Variants in MAMLD1 observed in about 807,000 individuals in gnomAD.
MAMLD1 encodes mastermind like domain containing 1, also known as mastermind-like domain-containing protein 1.
MAMLD1 carries 14 observed loss-of-function variants against 45.0 expected under a neutral mutation model. The observed-to-expected ratio is 0.31, with a 90% CI of 0.21 to 0.49. The LOEUF (loss-of-function observed/expected upper bound fraction) is 0.49, where lower values mean the gene tolerates loss of function less well. Among genes scored for constraint, MAMLD1 ranks in the 20% least tolerant of loss-of-function variants. The probability of loss-of-function intolerance (pLI) is 0.99; values close to 1 mark genes in which losing one functional copy is unlikely to be tolerated. For missense variants in MAMLD1, 543 were observed against 603.6 expected (o/e 0.90, Z 1.05); for synonymous variants, 254 against 247.8 (o/e 1.02, Z -0.24).
At chrX:150,466,909 A>C (rs1310616142) in intron 3 of MAMLD1, among the ~76,000 whole-genome samples, 1 of 111,820 alleles carries the variant, frequency 8.9e-6, no homozygotes, top group African/African-American at 3.3e-5. Flanking sequence ...GAGCCCATAG[A>C]AGCTGCCAGC....
At chrX:150,467,128 T>TGAC (rs2036249531) in intron 3 of MAMLD1, among the ~76,000 whole-genome samples, 1 of 111,802 alleles carries the variant, frequency 8.9e-6, no homozygotes, top group African/African-American at 3.3e-5. Context: ...AGGGGATCCT[T>TGAC]ATGTCAAATC....
chrX:150,463,015 C>G (rs879961757), intron 3 of MAMLD1, among the ~76,000 whole-genome samples, 169 bp downstream of exon 3: 1 of 112,253 alleles, frequency 8.9e-6, no homozygotes, highest in Admixed American at 9.4e-5. Context: ...CCCGGTGGCC[C>G]TGGTGGCCTC....
At chrX:150,482,183 A>C (rs2036838616) in intron 5 of MAMLD1, among the ~76,000 whole-genome samples, 1 of 112,355 alleles carries the variant, frequency 8.9e-6, no homozygotes, top group Admixed American at 9.4e-5. Flanking sequence ...CAGCCTTAAA[A>C]AGGAAGGAAA....
At position 150,403,972 on chromosome X, in the gene MAMLD1, G is replaced by GAAAGAA. The variant is rs1201312095; in HGVS notation, c.-64+40444_-64+40449dup. Among the ~76,000 whole-genome samples, 667 of 89,577 alleles carry GAAAGAA rather than the reference G, an allele frequency of 7.4e-3. 7 individuals are homozygous for GAAAGAA. The highest frequency in any genetic ancestry group is 0.01 in the Admixed American group (87 of 8,311). 77.8% of individuals were successfully genotyped at this position (89,577 alleles called of 115,157 possible). ...AGAAAGAAAGAAAGAAAGAAAGAAA[G>GAAAGAA]AAAGAAAGAAAGAAAGAAAGAAAGA... is the stretch of plus-strand genomic sequence containing the variant. On this transcript the variant is annotated intron_variant, in intron 1 of 7. Transcript: ENST00000370401.
At chrX:150,390,928 G>T (rs1485051820) in intron 1 of MAMLD1, among the ~76,000 whole-genome samples, 2 of 111,799 alleles carry the variant, frequency 1.8e-5, no homozygotes, top group Non-Finnish European at 3.8e-5. Context: ...GGATATTTTT[G>T]CCAGATACAT....
chrX:150,490,698 C>T (rs1261177726), intron 5 of MAMLD1, among the ~76,000 whole-genome samples: 5 of 111,627 alleles, frequency 4.5e-5, no homozygotes, highest in African/African-American at 1.6e-4. Flanking sequence ...TTGTCTAGTT[C>T]GACTACATCA....
rs1177129150 is a variant in MAMLD1 at position 150,382,874 on chromosome X, CATTTT to C, written c.-64+19355_-64+19359del. Among the ~76,000 whole-genome samples the C allele has an allele frequency of 3.7e-5, 2 of 54,422 alleles. 1 individual carries two copies. The highest frequency in any genetic ancestry group is 6.3e-5 in the Non-Finnish European group (2 of 31,892). The allele number at this position is 54,422 out of a possible 115,157, so 47.3% of individuals were successfully genotyped here. On this transcript the variant is annotated intron_variant, in intron 1 of 7. Transcript: ENST00000370401. ...ACTTCAGATTACAAATATTTTGTCC[CATTTT>C]ATTTTATTTTTTTTTTTTTTTATTT...
Position 150,382,897 on chromosome X carries a change from T to A in MAMLD1, c.-64+19367T>A, listed in dbSNP as rs1359365138. 6.5e-4 allele frequency among the ~76,000 whole-genome samples: 13 copies of A among 19,856 alleles called. 3 individuals are homozygous for A. Among genetic ancestry groups the A allele is most frequent in the African/African-American group, 1.6e-3 (2 of 1,272 alleles). 17.2% of individuals were successfully genotyped at this position (19,856 alleles called of 115,157 possible). A position where few individuals can be genotyped will look rare whatever the true frequency, so the allele number is the denominator to read the frequency against. ...CCCATTTTATTTTATTTTTTTTTTT[T>A]TTTATTTTTTATTTTTTTTTTTTTT... On this transcript the variant is annotated intron_variant, in intron 1 of 7. Transcript: ENST00000370401.
chrX:150,430,458 G>A (rs927921479), intron 1 of MAMLD1, among the ~76,000 whole-genome samples: 23 of 111,514 alleles, frequency 2.1e-4, no homozygotes, highest in African/African-American at 3.9e-4. Flanking sequence ...TTCACAGAGC[G>A]AAAGATTTTA....
intron 5 of MAMLD1, among the ~76,000 whole-genome samples, chrX:150,484,095 G>A (rs1411539531): frequency 1.8e-5 from 2 of 112,011 alleles, no homozygotes; most frequent in African/African-American, 6.5e-5. Context: ...TTGGAAGGCT[G>A]TTAAGCATAT....
chrX:150,468,142 G>A (rs2036282608), intron 3 of MAMLD1, among the ~76,000 whole-genome samples: 1 of 111,823 alleles, frequency 8.9e-6, no homozygotes, highest in Non-Finnish European at 1.9e-5. Context: ...CCACACCCTG[G>A]ATGAAGCTGT....
rs782808215 is a variant in MAMLD1 at position 150,503,460 on chromosome X, G to A, written c.2227G>A (p.Asp743Asn). Residue 743 changes from aspartate to asparagine, a missense_variant, in exon 6 of 8, where the codon GAT becomes AAT. By Grantham distance (23) the Asp-to-Asn change is conservative. Coordinates refer to ENST00000370401, the MANE Select transcript of MAMLD1 (RefSeq NM_005491.5). ...TSEAAPWGSWDPKAWRQVPAP... is the reference protein window; with the variant it reads ...TSEAAPWGSWNPKAWRQVPAP... ...AGAGGCAGCGCCCTGGGGCAGCTGG[G>A]ATCCGAAGGCCTGGAGGCAGGTGCC... 22 of 1,208,728 alleles carry A rather than the reference G, an allele frequency of 1.8e-5. No homozygotes were observed. In the Admixed American group the frequency reaches 4.4e-4, roughly 24 times the overall value.
intron 1 of MAMLD1, among the ~76,000 whole-genome samples, chrX:150,437,978 CTT>C (rs782030694): frequency 0.022 from 2,346 of 105,440 alleles, 54 homozygotes; most frequent in African/African-American, 0.077. Flanking sequence ...TGGGGATGGT[CTT>C]TTTTTTTTTC....
At chrX:150,508,047 C>T (rs1489093714) in intron 6 of MAMLD1, among the ~76,000 whole-genome samples, 3 of 112,557 alleles carry the variant, frequency 2.7e-5, no homozygotes, top group African/African-American at 9.7e-5. Context: ...ACTTCTTAGC[C>T]GTGTCACCTT....
At chrX:150,469,653 CTCTGTG>C (rs1406534693) in intron 3 of MAMLD1, 86 bp from the exon 4 acceptor site, 56 of 482,579 alleles carry the variant, frequency 1.2e-4, no homozygotes, top group Middle Eastern at 1.3e-3. Context: ...CTCTCTCTCT[CTCTGTG>C]TGTGTGTGTG....
In MAMLD1 at chrX:150,473,808, C is replaced by T. The variant is rs2036502422; in HGVS notation, c.2040+6C>T. 6 of 1,208,541 alleles carry T rather than the reference C, an allele frequency of 5.0e-6. No individual in the cohort carries two copies. The highest frequency in any genetic ancestry group is 1.1e-6 in the Non-Finnish European group (1 of 893,771). On this transcript the variant is annotated splice_donor_region_variant and intron_variant, in intron 5 of 7. Coordinates refer to ENST00000370401, the MANE Select transcript of MAMLD1 (RefSeq NM_005491.5). Reference sequence around the variant, plus strand: ...ACGTGTCACCGTCTAACATTGTGAGCCTTTCTGTTTTGTTTTGTCTTCAAT... The same window carrying T: ...ACGTGTCACCGTCTAACATTGTGAGTCTTTCTGTTTTGTTTTGTCTTCAAT...
intron 1 of MAMLD1, among the ~76,000 whole-genome samples, chrX:150,442,931 C>A (rs1424317737): frequency 8.9e-6 from 1 of 111,803 alleles, no homozygotes; most frequent in Non-Finnish European, 1.9e-5. Flanking sequence ...GTATAGGGTT[C>A]TGGGTTGACA....
At chrX:150,398,600 T>G (rs922269499) in intron 1 of MAMLD1, among the ~76,000 whole-genome samples, 1 of 111,388 alleles carries the variant, frequency 9.0e-6, no homozygotes, top group South Asian at 3.8e-4. Context: ...TGGATGCTAC[T>G]AAGCACTTGA....
intron 1 of MAMLD1, among the ~76,000 whole-genome samples, chrX:150,427,363 C>T (rs1352357458): frequency 4.4e-5 from 5 of 112,417 alleles, no homozygotes; most frequent in Non-Finnish European, 7.5e-5. Flanking sequence ...TAGATGTGTT[C>T]CATTCTTCTG....
Sources: allele counts gnomAD v4.1 joint callset (sites outside exome capture counted in the v4.1 genomes callset), GRCh38; gene constraint gnomAD v4.1.1; transcripts MANE v1.5; gene names NCBI Gene and HGNC (gene_info 2026-07-23, HGNC 2026-07-21).